AGO4: variants seen among roughly 807,000 people sequenced by gnomAD.
AGO4 encodes protein argonaute-4.
AGO4 carries 33 observed loss-of-function variants against 104.7 expected under a neutral mutation model. That is an observed-to-expected ratio of 0.32 (90% CI 0.24 to 0.42). AGO4 has a LOEUF of 0.42. AGO4 is among the 10% of genes least tolerant of loss of function. The pLI is 1.00. For missense variants in AGO4, 711 were observed against 1,083.4 expected (o/e 0.66, Z 4.83); for synonymous variants, 331 against 364.7 (o/e 0.91, Z 1.05).
At chr1:35,830,141 CTCAA>C (rs1644143661) in intron 7 of AGO4, among the ~76,000 whole-genome samples, 1 of 20,322 alleles carries the variant, frequency 4.9e-5, no homozygotes, top group African/African-American at 1.2e-4. Flanking sequence ...GAGACTCTGT[CTCAA>C]AAAAAAAAAA....
At position 35,836,098 on chromosome 1, in the gene AGO4, G is replaced by A. The variant is rs569538322; in HGVS notation, c.1724+105G>A. On this transcript the variant is annotated intron_variant, in intron 13 of 17. Transcript: ENST00000373210. Reference sequence around the variant, plus strand: ...ATGCATCTAGATTACCTTTTCTCTTGTATATATATGCACCCATATACCCAA... The same window carrying A: ...ATGCATCTAGATTACCTTTTCTCTTATATATATATGCACCCATATACCCAA... 10 of 1,238,474 alleles carry A rather than the reference G, an allele frequency of 8.1e-6. No homozygotes were observed. The African/African-American group carries it at 1.2e-4, about 15-fold the overall frequency. 76.7% of individuals were successfully genotyped at this position (1,238,474 alleles called of 1,614,324 possible).
chr1:35,846,254 T>C (rs1644569210), intron 15 of AGO4, among the ~76,000 whole-genome samples: 1 of 152,152 alleles, frequency 6.6e-6, no homozygotes, highest in South Asian at 2.1e-4. Context: ...TTCAGAGTTG[T>C]CTTTAAATTC....
At chr1:35,816,853 G>T in intron 1 of AGO4, 29 bp from the exon 2 acceptor site, 1 of 1,453,630 alleles carries the variant, frequency 6.9e-7, no homozygotes, top group Non-Finnish European at 9.2e-7. Context: ...AAAAAAAATA[G>T]CACAGCAAAT....
rs775702600 is a variant in AGO4 at position 35,832,492 on chromosome 1, T to A, written c.1301T>A (p.Phe434Tyr). 1 of 1,613,970 alleles carries A rather than the reference T, an allele frequency of 6.2e-7. No homozygotes were observed. The highest frequency in any genetic ancestry group is 1.1e-5 in the South Asian group (1 of 91,066). ...GTCTGGGACATGCGAGGAAAGCAGTTTTATGCTGGCATTGAAATTAAAGTT... is the reference window on the plus strand; with the variant it reads ...GTCTGGGACATGCGAGGAAAGCAGTATTATGCTGGCATTGAAATTAAAGTT... ...QGVWDMRGKQ[F>Y]YAGIEIKVWA... Residue 434 changes from phenylalanine (F) to tyrosine (Y), a missense_variant, in exon 11 of 18, where the codon TTT becomes TAT. Physicochemically the swap from Phe to Tyr is conservative, Grantham distance 22 (BLOSUM62 3). Coordinates refer to ENST00000373210, the MANE Select transcript of AGO4 (RefSeq NM_017629.4).
At chr1:35,831,057 A>G (rs1287477658) in intron 7 of AGO4, among the ~76,000 whole-genome samples, 2 of 148,856 alleles carry the variant, frequency 1.3e-5, no homozygotes, top group Non-Finnish European at 3.0e-5. Context: ...TTGTTTGTTT[A>G]TTGTTTAGAA....
chr1:35,831,687 C>T, intron 8 of AGO4, 113 bp downstream of exon 8: 1 of 1,533,530 alleles, frequency 6.5e-7, no homozygotes, highest in Non-Finnish European at 8.8e-7. Flanking sequence ...ATATTTTTGG[C>T]AGATGATTTC....
chr1:35,848,180 C>T (rs1644617852), intron 15 of AGO4, among the ~76,000 whole-genome samples: 1 of 152,022 alleles, frequency 6.6e-6, no homozygotes, highest in Non-Finnish European at 1.5e-5. Context: ...GAATCATAGC[C>T]CTTGAGTCTG....
chr1:35,845,047 A>G (rs1016247173), intron 15 of AGO4, among the ~76,000 whole-genome samples: 1 of 151,788 alleles, frequency 6.6e-6, no homozygotes, highest in Non-Finnish European at 1.5e-5. Context: ...CACTTAAGAC[A>G]ATGATTGCCT....
At chr1:35,822,812 C>A in intron 2 of AGO4, 50 bp from the exon 3 acceptor site, 1 of 1,606,062 alleles carries the variant, frequency 6.2e-7, no homozygotes, top group Non-Finnish European at 8.5e-7. Context: ...GCTTTTCTTA[C>A]TGTTCACCAT....
chr1:35,834,126 G>A lies in AGO4; in HGVS notation c.1516G>A (p.Gly506Ser), dbSNP rs1367756276. 4 of 1,609,050 alleles carry A rather than the reference G, an allele frequency of 2.5e-6. No homozygotes were observed. In the South Asian group the frequency reaches 4.4e-5, roughly 18 times the overall value. The change falls in exon 12 of 18, where the codon GGC (glycine) becomes AGC (serine). Residue 506 changes from glycine (G) to serine (S), a missense_variant. By Grantham distance (56) the Gly-to-Ser change is moderately conservative. Transcript: ENST00000373210. ...MFKHLKMTYV[G>S]LQLIVVILPG... ...TAAACATCTGAAAATGACTTATGTGGGCCTACAGCTAATAGTGGTTATCCT... is the reference window on the plus strand; with the variant it reads ...TAAACATCTGAAAATGACTTATGTGAGCCTACAGCTAATAGTGGTTATCCT...
rs1032793091 is a variant in AGO4 at position 35,808,860 on chromosome 1, G to A, written c.19+425G>A. ...GCCGGTAGTCCTGGTTTGGGGCCGC[G>A]CCCCTATTTTTCTTTGCACTGGCAG... On this transcript the variant is annotated intron_variant, in intron 1 of 17. Transcript: ENST00000373210. This position sits in a 1 kb window ranked among gnomAD's most constrained non-coding sequence, Gnocchi z 5.2. Among the ~76,000 whole-genome samples, 8 of 152,304 alleles carry A rather than the reference G, an allele frequency of 5.3e-5. No homozygotes were observed. Among genetic ancestry groups the A allele is most frequent in the African/African-American group, 1.9e-4 (8 of 41,578 alleles).
chr1:35,828,354 T>C (rs1351372163), intron 7 of AGO4, among the ~76,000 whole-genome samples: 1 of 151,938 alleles, frequency 6.6e-6, no homozygotes, highest in Non-Finnish European at 1.5e-5. Context: ...GGGGTCCCAC[T>C]TTGTTGCCCA....
intron 7 of AGO4, among the ~76,000 whole-genome samples, chr1:35,829,027 C>T (rs1434824704): frequency 1.3e-5 from 2 of 150,018 alleles, no homozygotes; most frequent in East Asian, 3.9e-4. Context: ...CAGAGCCCCC[C>T]CCCCCACACA....
chr1:35,845,654 A>G (rs763873761), intron 15 of AGO4, among the ~76,000 whole-genome samples: 5 of 152,082 alleles, frequency 3.3e-5, no homozygotes, highest in Non-Finnish European at 5.9e-5. Flanking sequence ...CCTTGCTTGT[A>G]GATTACTAAA....
intron 13 of AGO4, among the ~76,000 whole-genome samples, chr1:35,838,382 T>C (rs1644363752): frequency 6.6e-6 from 1 of 152,040 alleles, no homozygotes; most frequent in Non-Finnish European, 1.5e-5. Flanking sequence ...AGATGAGGTC[T>C]TGCTGTGTTG....
At position 35,821,483 on chromosome 1, in the gene AGO4, A is replaced by G. The variant is rs74701023; in HGVS notation, c.186-1379A>G. Among the ~76,000 whole-genome samples, 1,048 of 152,326 alleles carry G rather than the reference A, an allele frequency of 6.9e-3. 11 individuals are homozygous for G. The highest frequency in any genetic ancestry group is 0.023 in the African/African-American group (976 of 41,572). On this transcript the variant is annotated intron_variant, in intron 2 of 17. Transcript: ENST00000373210. ...GACTCTAGCATTCAAAAATCTCACA[A>G]ACCCTGGTCTGTCCATATCTTAAAC...
In AGO4 at chr1:35,841,550, T is replaced by C. The variant is rs934462599; in HGVS notation, c.2041-66T>C. The C allele has an allele frequency of 6.2e-7, 1 of 1,609,502 alleles. No individual in the cohort carries two copies. Among genetic ancestry groups the C allele is most frequent in the Non-Finnish European group, 8.5e-7 (1 of 1,176,164 alleles). ...GAGGGAGATTCCTCTCATCTACCAT[T>C]CTGGGTAGATCTGAGAGATACTAGG... is the stretch of plus-strand genomic sequence containing the variant. On this transcript the variant is annotated intron_variant, in intron 14 of 17. Transcript: ENST00000373210. The surrounding 1 kb of genome is among the most constrained non-coding windows in gnomAD (Gnocchi z 4.7).
intron 7 of AGO4, among the ~76,000 whole-genome samples, chr1:35,827,790 C>CTTTTTTTTTTTTTTTTTTT (rs142432459): frequency 9.6e-6 from 1 of 103,850 alleles, no homozygotes; most frequent in Non-Finnish European, 1.9e-5. Flanking sequence ...TGTTGTTATT[C>CTTTTTTTTTTTTTTTTTTT]TTTTTTTTTT....
chr1:35,816,767 C>G, intron 1 of AGO4, 115 bp from the exon 2 acceptor site: 1 of 1,237,100 alleles, frequency 8.1e-7, no homozygotes, highest in Non-Finnish European at 1.1e-6. Context: ...CCACTGCACT[C>G]CACCCTGGGT....
Sources: allele counts gnomAD v4.1 joint callset (sites outside exome capture counted in the v4.1 genomes callset), GRCh38; gene constraint gnomAD v4.1.1; non-coding constraint Gnocchi (gnomAD v3.1); transcripts MANE v1.5; gene names NCBI Gene and HGNC (gene_info 2026-07-23, HGNC 2026-07-21).